Variants in OR10H1 observed in about 807,000 individuals in gnomAD.
The protein encoded by OR10H1 is olfactory receptor family 10 subfamily H member 1.
In OR10H1, 12 loss-of-function variants were observed where a neutral mutation model predicts 13.1. The observed-to-expected ratio is 0.92, with a 90% confidence interval of 0.59 to 1.48. The LOEUF is 1.48. Among genes scored for constraint, OR10H1 ranks in the 40% most tolerant of loss-of-function variants. OR10H1 has a pLI of 0.00. For missense variants in OR10H1, 363 were observed against 413.1 expected (o/e 0.88, Z 1.05); for synonymous variants, 168 against 175.6 (o/e 0.96, Z 0.34).
intron 1 of OR10H1, among the ~76,000 whole-genome samples, chr19:15,814,478 TGTGAGAGAGAGAGA>T (rs2088954334): frequency 3.4e-4 from 9 of 26,460 alleles, no homozygotes; most frequent in Admixed American, 1.5e-3. Context: ...TGTGTGTGTG[TGTGAGAGAGAGAGA>T]GAGAGAGAGA....
chr19:15,808,054 G>A lies in OR10H1; in HGVS notation c.-11-6C>T. 1 of 1,594,510 alleles carries A rather than the reference G, an allele frequency of 6.3e-7. No individual in the cohort carries two copies. The highest frequency in any genetic ancestry group is 1.1e-5 in the South Asian group (1 of 89,426). On this transcript the variant is annotated splice_polypyrimidine_tract_variant and splice_region_variant and intron_variant, in intron 3 of 3. Coordinates refer to ENST00000641419, the MANE Select transcript of OR10H1 (RefSeq NM_013940.4). The stretch of plus-strand genomic sequence containing the variant: ...TCTCTGCATGGAGGCTGTGCCTGGG[G>A]TGAGATGTGACAGGGAGATGTCAGT...
chr19:15,806,660 G>T lies in OR10H1; in HGVS notation c.*421C>A. The T allele has an allele frequency of 5.9e-6, 1 of 168,638 alleles. No individual in the cohort carries two copies. The highest frequency in any genetic ancestry group is 1.5e-4 in the South Asian group (1 of 6,666). 10.4% of individuals were successfully genotyped at this position (168,638 alleles called of 1,614,324 possible). A position where few individuals can be genotyped will look rare whatever the true frequency, so the allele number is the denominator to read the frequency against. On this transcript the variant is annotated 3_prime_UTR_variant, in exon 4 of 4. Transcript: ENST00000641419. Reference sequence around the variant, plus strand: ...TGGCCTCAAGCAATCCTCCTGCCTTGGCATCCCAAGGTGCTGGAATTATAA... The same window carrying T: ...TGGCCTCAAGCAATCCTCCTGCCTTTGCATCCCAAGGTGCTGGAATTATAA...
intron 2 of OR10H1, among the ~76,000 whole-genome samples, chr19:15,809,952 G>A (rs2088924179): frequency 6.6e-6 from 1 of 152,096 alleles, no homozygotes; most frequent in African/African-American, 2.4e-5. Context: ...AAATAGCTGG[G>A]ACTACAGGCA....
rs1360113406 is a variant in OR10H1, at chr19:15,806,142, TTGCA to T, written c.*935_*938del. ...TTCCCTCTCTCTTTGCATTGCTGGT[TTGCA>T]TTATTGGGGGTATTAGATGACCCTG... is the stretch of plus-strand genomic sequence containing the variant. On this transcript the variant is annotated 3_prime_UTR_variant, in exon 4 of 4. Coordinates refer to ENST00000641419, the MANE Select transcript of OR10H1 (RefSeq NM_013940.4). 6.6e-6 allele frequency: 1 copy of T among 152,158 alleles called. No individual in the cohort carries two copies. The highest frequency in any genetic ancestry group is 1.5e-5 in the Non-Finnish European group (1 of 68,032). 9.4% of individuals were successfully genotyped at this position (152,158 alleles called of 1,614,324 possible). A position where few individuals can be genotyped will look rare whatever the true frequency, so the allele number is the denominator to read the frequency against.
At chr19:15,815,174 T>C (rs1362606084) in intron 1 of OR10H1, among the ~76,000 whole-genome samples, 1 of 151,930 alleles carries the variant, frequency 6.6e-6, no homozygotes, top group African/African-American at 2.4e-5. Context: ...CCCCTGTCTC[T>C]ACTAAAAATA....
At chr19:15,813,719 GGTGGGGAGAGAGAA>G (rs1001863758) in intron 1 of OR10H1, among the ~76,000 whole-genome samples, 3 of 149,752 alleles carry the variant, frequency 2.0e-5, no homozygotes, top group African/African-American at 7.4e-5. Flanking sequence ...CACAGAGAGA[GGTGGGGAGAGAGAA>G]GTGGGGAGAG....
chr19:15,811,728 C>T (rs973279534), intron 2 of OR10H1, among the ~76,000 whole-genome samples: 3 of 152,202 alleles, frequency 2.0e-5, no homozygotes, highest in African/African-American at 7.2e-5. Context: ...CATATTAAGC[C>T]ACCCATTCCT....
At chr19:15,814,338 C>A (rs1343192794) in intron 1 of OR10H1, among the ~76,000 whole-genome samples, 1 of 152,040 alleles carries the variant, frequency 6.6e-6, no homozygotes, top group Non-Finnish European at 1.5e-5. Flanking sequence ...AGCTGTCTGG[C>A]CTCCCCTCTC....
Position 15,807,930 on chromosome 19 carries a change from C to G in OR10H1, c.108G>C (p.Leu36=), listed in dbSNP as rs1310258996. Residue 36 remains leucine (L), a synonymous_variant, in exon 4 of 4, where the codon CTG becomes CTC. Transcript: ENST00000641419. ...TGAGCAGGTTGCCCAGCAGCGTGAA[C>G]AGGTACATCAGCAGGAACAGCAGGA... ...MLFLLFLLMY[L]FTLLGNLLIM... is the part of the protein sequence containing the mutation. 6.2e-7 allele frequency: 1 copy of G among 1,614,078 alleles called. No individual in the cohort carries two copies. The highest frequency in any genetic ancestry group is 8.5e-7 in the Non-Finnish European group (1 of 1,180,028).
intron 2 of OR10H1, among the ~76,000 whole-genome samples, chr19:15,811,807 C>T (rs1258869948): frequency 6.6e-6 from 1 of 152,194 alleles, no homozygotes; most frequent in Non-Finnish European, 1.5e-5. Flanking sequence ...TCGCTCTGTG[C>T]CTCCTACAAG....
At chr19:15,814,397 C>T (rs1427844182) in intron 1 of OR10H1, among the ~76,000 whole-genome samples, 1 of 151,188 alleles carries the variant, frequency 6.6e-6, no homozygotes, top group East Asian at 2.0e-4. Context: ...TCTTCTCATC[C>T]CCAGCTCCTA....
chr19:15,814,923 C>G (rs762296320), intron 1 of OR10H1, among the ~76,000 whole-genome samples: 8 of 152,132 alleles, frequency 5.3e-5, no homozygotes, highest in Non-Finnish European at 7.3e-5. Context: ...CTGGACAGAC[C>G]GAGAAGAGAG....
intron 3 of OR10H1, among the ~76,000 whole-genome samples, chr19:15,808,339 T>A (rs2088915099): frequency 6.6e-6 from 1 of 152,200 alleles, no homozygotes; most frequent in African/African-American, 2.4e-5. Context: ...ATAGCTGGGC[T>A]GGCTCTAAAA....
intron 1 of OR10H1, among the ~76,000 whole-genome samples, chr19:15,814,879 C>T (rs1463484994): frequency 6.6e-6 from 1 of 152,180 alleles, no homozygotes; most frequent in Admixed American, 6.5e-5. Flanking sequence ...CTTTTCTCCG[C>T]CTCTTCCCAA....
In OR10H1 at chr19:15,807,962, T is replaced by C; in HGVS notation, c.76A>G (p.Met26Val). The stretch of plus-strand genomic sequence containing the variant: ...ATCAGCAGGAACAGCAGGAAGAGCA[T>C]CAGCTGGAGGTGGGGGAAGACAGAG... ...GFSVFPHLQL[M>V]LFLLFLLMYL... The change falls in exon 4 of 4, where the codon ATG becomes GTG. Residue 26 changes from methionine to valine, a missense_variant. This residue lies in a region of OR10H1 where 318 missense variants were observed against 366.6 expected (regional missense o/e 0.87). Transcript: ENST00000641419. 6.2e-7 allele frequency: 1 copy of C among 1,613,836 alleles called. No homozygotes were observed.
Position 15,807,788 on chromosome 19 carries a change from C to A in OR10H1, c.250G>T (p.Asp84Tyr). ...ATGGAGCGCTGGGTGGACAGCAGGTCGGCCAGCATGCGCGGGATGATGGCC... is the reference window on the plus strand; with the variant it reads ...ATGGAGCGCTGGGTGGACAGCAGGTAGGCCAGCATGCGCGGGATGATGGCC... ...TVAIIPRMLA[D>Y]LLSTQRSIAF... The change falls in exon 4 of 4, where the codon GAC becomes TAC. Residue 84 changes from aspartate (D) to tyrosine (Y), a missense_variant. Coordinates refer to ENST00000641419, the MANE Select transcript of OR10H1 (RefSeq NM_013940.4). 6.2e-7 allele frequency: 1 copy of A among 1,607,024 alleles called. No homozygotes were observed. Among genetic ancestry groups the A allele is most frequent in the South Asian group, 1.1e-5 (1 of 90,616 alleles).
At chr19:15,810,977 T>C (rs1425678526) in intron 2 of OR10H1, among the ~76,000 whole-genome samples, 1 of 152,046 alleles carries the variant, frequency 6.6e-6, no homozygotes. Context: ...AAAAGATCAT[T>C]TTAGAAAGGG....
chr19:15,811,878 G>A (rs563961341), intron 2 of OR10H1, among the ~76,000 whole-genome samples: 10 of 152,216 alleles, frequency 6.6e-5, no homozygotes, highest in African/African-American at 2.2e-4. Flanking sequence ...TGTCATGTTG[G>A]AGCTGTGTCT....
chr19:15,811,488 A>G (rs756052156), intron 2 of OR10H1, among the ~76,000 whole-genome samples: 2 of 152,092 alleles, frequency 1.3e-5, no homozygotes, highest in Non-Finnish European at 2.9e-5. Context: ...TTGCTCAGTC[A>G]TGACAACCAA....
Sources: allele counts gnomAD v4.1 joint callset (sites outside exome capture counted in the v4.1 genomes callset), GRCh38; gene constraint gnomAD v4.1.1; regional missense constraint gnomAD v4.1.1; transcripts MANE v1.5; gene names NCBI Gene and HGNC (gene_info 2026-07-23, HGNC 2026-07-21).